Variants in CPNE6 observed in about 807,000 individuals in gnomAD.
CPNE6 encodes copine 6.
Under a neutral mutation model 71.5 loss-of-function variants are expected in CPNE6, and 33 were observed. The observed-to-expected ratio is 0.46, with a 90% CI of 0.35 to 0.62. The LOEUF (loss-of-function observed/expected upper bound fraction) is 0.62. CPNE6 is among the 20% of genes least tolerant of loss of function. The probability of loss-of-function intolerance (pLI) is 0.00; values close to 1 mark genes in which losing one functional copy is unlikely to be tolerated. For synonymous variants in CPNE6, 296 were observed against 293.0 expected (o/e 1.01, Z -0.10); for missense variants, 576 against 747.3 (o/e 0.77, Z 2.67).
At position 24,077,486 on chromosome 14, in the gene CPNE6, G is replaced by T. The variant is rs1187694122; in HGVS notation, c.1536+96G>T. 2 of 1,571,914 alleles carry T rather than the reference G, an allele frequency of 1.3e-6. No individual in the cohort carries two copies. Among genetic ancestry groups the T allele is most frequent in the Non-Finnish European group, 1.7e-6 (2 of 1,142,874 alleles). ...TTCCACCATTTGATGTCCTGCTAAG[G>T]ACGCGGGAGCCCAGCTGGCCACCCT... On this transcript the variant is annotated intron_variant, in intron 16 of 17. Coordinates refer to ENST00000397016, the Ensembl canonical transcript of CPNE6. This position sits in a 1 kb window ranked among gnomAD's most constrained non-coding sequence, Gnocchi z 6.1.
intron 1 of CPNE6, 61 bp from the exon 1 acceptor site, chr14:24,071,501 G>GGGGGCCCCCCC: frequency 2.7e-5 from 38 of 1,416,656 alleles, no homozygotes; most frequent in East Asian, 5.3e-5. Flanking sequence ...CTGGTGCTGC[G>GGGGGCCCCCCC]CCCCCCCCCA....
rs1420126837 is a variant in CPNE6, at chr14:24,071,259, G to A, written c.-120+231G>A. The A allele has an allele frequency of 3.0e-5, 36 of 1,201,146 alleles. No individual in the cohort carries two copies. The Middle Eastern group carries it at 8.6e-4, about 29-fold the overall frequency. The allele number at this position is 1,201,146 out of a possible 1,614,324, so 74.4% of individuals were successfully genotyped here. A position where few individuals can be genotyped will look rare whatever the true frequency, so the allele number is the denominator to read the frequency against. On this transcript the variant is annotated intron_variant, in intron 1 of 17. Coordinates refer to ENST00000397016, the Ensembl canonical transcript of CPNE6. ...CCTGTGAGTCGTGGGTGCATGTGTC[G>A]CCATCATTTCTCTGTTTGAATGTGT...
At position 24,077,535 on chromosome 14, in the gene CPNE6, G is replaced by A. The variant is rs1282034336; in HGVS notation, c.1537-58G>A. The A allele has an allele frequency of 6.3e-7, 1 of 1,590,502 alleles. No individual in the cohort carries two copies. The highest frequency in any genetic ancestry group is 1.7e-4 in the Middle Eastern group (1 of 5,960). On this transcript the variant is annotated intron_variant, in intron 16 of 17. Coordinates refer to ENST00000397016, the Ensembl canonical transcript of CPNE6. This position sits in a 1 kb window ranked among gnomAD's most constrained non-coding sequence, Gnocchi z 6.1. ...CTGAAGCCCCACTTCTCCCTCAGAT[G>A]ACCCTGCCTCCCCTACTCTTCCTCT...
Position 24,075,569 on chromosome 14 carries a change from C to A in CPNE6, c.842C>A (p.Thr281Lys). The A allele has an allele frequency of 1.2e-6, 2 of 1,612,034 alleles. No homozygotes were observed. Among genetic ancestry groups the A allele is most frequent in the Non-Finnish European group, 1.7e-6 (2 of 1,179,178 alleles). The change falls in exon 10 of 18, where the codon ACG becomes AAG. Residue 281 changes from threonine (T) to lysine (K), a missense_variant. Coordinates refer to ENST00000397016, the Ensembl canonical transcript of CPNE6. The surrounding 1 kb of genome is among the most constrained non-coding windows in gnomAD (Gnocchi z 4.3). ...AAGAAGAATTACAAGAGCTCAGGGA[C>A]GGTAGTGCTGGCCCAGTGCACGGTA...
Position 24,075,147 on chromosome 14 carries a change from C to T in CPNE6, c.673-25C>T, listed in dbSNP as rs775462282. 5 of 1,573,726 alleles carry T rather than the reference C, an allele frequency of 3.2e-6. No individual in the cohort carries two copies. In the South Asian group the frequency reaches 4.4e-5, roughly 14 times the overall value. On this transcript the variant is annotated intron_variant, in intron 8 of 17. Coordinates refer to ENST00000397016, the Ensembl canonical transcript of CPNE6. This position sits in a 1 kb window ranked among gnomAD's most constrained non-coding sequence, Gnocchi z 4.3. Reference sequence around the variant, plus strand: ...TACCGCAGAGCATCTCCAACCTGACCCCACCCCTCCCCCTGCCTTCTCAGT... The same window carrying T: ...TACCGCAGAGCATCTCCAACCTGACTCCACCCCTCCCCCTGCCTTCTCAGT...
chr14:24,071,501 G>GGGGGCCGCC, intron 1 of CPNE6, 61 bp from the exon 1 acceptor site: 1 of 1,416,704 alleles, frequency 7.1e-7, no homozygotes, highest in Non-Finnish European at 9.3e-7. Flanking sequence ...CTGGTGCTGC[G>GGGGGCCGCC]CCCCCCCCCA....
chr14:24,073,756 CAT>C lies in CPNE6; in HGVS notation c.348+79_348+80del. 1 of 1,481,564 alleles carries C rather than the reference CAT, an allele frequency of 6.7e-7. No homozygotes were observed. The highest frequency in any genetic ancestry group is 1.4e-5 in the African/African-American group (1 of 71,380). The allele number at this position is 1,481,564 out of a possible 1,614,324, so 91.8% of individuals were successfully genotyped here. On this transcript the variant is annotated intron_variant, in intron 4 of 17. Coordinates refer to ENST00000397016, the Ensembl canonical transcript of CPNE6. This position sits in a 1 kb window ranked among gnomAD's most constrained non-coding sequence, Gnocchi z 5.5. The stretch of plus-strand genomic sequence containing the variant: ...CTCTGGAAGCCAAAAAGAGAGAAAA[CAT>C]GAGCTCTAGAGCTAGTTCAACCCAG...
At chr14:24,071,628 G>A (rs534321481) in exon 2 of CPNE6, 17 of 1,105,742 alleles carry the variant, frequency 1.5e-5, no homozygotes, top group South Asian at 5.3e-5. Flanking sequence ...AGGAGCCCCC[G>A]ACCGAGAGCC....
chr14:24,074,832 G>A lies in CPNE6; in HGVS notation c.672+37G>A. On this transcript the variant is annotated intron_variant, in intron 8 of 17. Coordinates refer to ENST00000397016, the Ensembl canonical transcript of CPNE6. This position sits in a 1 kb window ranked among gnomAD's most constrained non-coding sequence, Gnocchi z 4.5. ...GCCAAGCCAGCACAGCCTACTTAGA[G>A]CAACCAATCTGCTATCTAAGACCTT... 2 of 1,558,548 alleles carry A rather than the reference G, an allele frequency of 1.3e-6. No individual in the cohort carries two copies. Among genetic ancestry groups the A allele is most frequent in the Non-Finnish European group, 1.8e-6 (2 of 1,137,876 alleles).
rs2035970631 is a variant in CPNE6, at chr14:24,073,640, G to A, written c.310G>A (p.Asp104Asn). 1 of 1,613,812 alleles carries A rather than the reference G, an allele frequency of 6.2e-7. No individual in the cohort carries two copies. The change falls in exon 4 of 18, where the codon GAT becomes AAT. Residue 104 changes from aspartate (D) to asparagine (N), a missense_variant. Coordinates refer to ENST00000397016, the Ensembl canonical transcript of CPNE6. The surrounding 1 kb of genome is among the most constrained non-coding windows in gnomAD (Gnocchi z 5.5). ...GGACGGAGCCACCAGCCCCCGAAAT[G>A]ATACCTTCCTCGGCTCTACGGAGTG... is the stretch of plus-strand genomic sequence containing the variant.
chr14:24,077,291 G>T lies in CPNE6; in HGVS notation c.1437G>T (p.Met479Ile). 6.2e-7 allele frequency: 1 copy of T among 1,613,874 alleles called. No homozygotes were observed. The highest frequency in any genetic ancestry group is 8.5e-7 in the Non-Finnish European group (1 of 1,180,022). ...TGGGCAATGCTGACTTCTCTGACATGCGGCTGCTGGATGGCGACGACGGCC... is the reference window on the plus strand; with the variant it reads ...TGGGCAATGCTGACTTCTCTGACATTCGGCTGCTGGATGGCGACGACGGCC... The change falls in exon 16 of 18, where the codon ATG (methionine) becomes ATT (isoleucine). Residue 479 changes from methionine to isoleucine, a missense_variant. By Grantham distance (10) the Met-to-Ile change is conservative. Transcript: ENST00000397016. This position sits in a 1 kb window ranked among gnomAD's most constrained non-coding sequence, Gnocchi z 6.1.
chr14:24,073,105 G>A lies in CPNE6; in HGVS notation c.168+1G>A. On this transcript the variant is annotated splice_donor_variant, in intron 3 of 17. Transcript: ENST00000397016. LOFTEE classifies it high-confidence loss of function. The surrounding 1 kb of genome is among the most constrained non-coding windows in gnomAD (Gnocchi z 5.5). ...CTACTCTGATGAGCAGTGGGTGGAG[G>A]TGAGAGCAGCTCAGGTTTCTCCTTA... The A allele has an allele frequency of 1.4e-6, 2 of 1,452,612 alleles. No homozygotes were observed. Among genetic ancestry groups the A allele is most frequent in the Non-Finnish European group, 1.8e-6 (2 of 1,102,138 alleles). The allele number at this position is 1,452,612 out of a possible 1,614,324, so 90.0% of individuals were successfully genotyped here. A position where few individuals can be genotyped will look rare whatever the true frequency, so the allele number is the denominator to read the frequency against.
At chr14:24,071,248 G>A (rs1382060265) in intron 1 of CPNE6, 2 of 1,120,250 alleles carry the variant, frequency 1.8e-6, no homozygotes, top group Non-Finnish European at 2.5e-6. Context: ...TGAGTCGTGG[G>A]TGCATGTGTC....
rs2036016637 is a variant in CPNE6, at chr14:24,075,070, A to T, written c.673-102A>T. 1.1e-6 allele frequency: 1 copy of T among 877,440 alleles called. No individual in the cohort carries two copies. Among genetic ancestry groups the T allele is most frequent in the Non-Finnish European group, 1.9e-6 (1 of 519,608 alleles). 54.4% of individuals were successfully genotyped at this position (877,440 alleles called of 1,614,324 possible). A position where few individuals can be genotyped will look rare whatever the true frequency, so the allele number is the denominator to read the frequency against. ...ATGTCTGTTTGGGCATGGAGACTCT[A>T]AGGCCCAAGTCCCCCTACTCCAAGT... On this transcript the variant is annotated intron_variant, in intron 8 of 17. Coordinates refer to ENST00000397016, the Ensembl canonical transcript of CPNE6. The surrounding 1 kb of genome is among the most constrained non-coding windows in gnomAD (Gnocchi z 4.3).
In CPNE6 at chr14:24,075,234, T is replaced by C; in HGVS notation, c.735T>C (p.Thr245=). 1.9e-6 allele frequency: 3 copies of C among 1,614,088 alleles called. No individual in the cohort carries two copies. The highest frequency in any genetic ancestry group is 2.5e-6 in the Non-Finnish European group (3 of 1,180,012). Residue 245 remains threonine, a synonymous_variant, in exon 9 of 18, where the codon ACT becomes ACC. Coordinates refer to ENST00000397016, the Ensembl canonical transcript of CPNE6. The surrounding 1 kb of genome is among the most constrained non-coding windows in gnomAD (Gnocchi z 4.3). Reference sequence around the variant, plus strand: ...ACTTCATCGGCGAGTTCACCAGCACTTTCCAGGAGATGCAGGAAGGGACGG... The same window carrying C: ...ACTTCATCGGCGAGTTCACCAGCACCTTCCAGGAGATGCAGGAAGGGACGG...
In CPNE6 at chr14:24,075,389, T is replaced by C. The variant is rs1304933200; in HGVS notation, c.777+113T>C. The stretch of plus-strand genomic sequence containing the variant: ...GGAAGTGGAGAGGGTGGAAAGCACC[T>C]GGGCTCAGCTGAAGGACGGAACCAT... On this transcript the variant is annotated intron_variant, in intron 9 of 17. Coordinates refer to ENST00000397016, the Ensembl canonical transcript of CPNE6. This position sits in a 1 kb window ranked among gnomAD's most constrained non-coding sequence, Gnocchi z 4.3. 5.8e-6 allele frequency: 8 copies of C among 1,384,160 alleles called. No individual in the cohort carries two copies. The highest frequency in any genetic ancestry group is 2.3e-5 in the East Asian group (1 of 43,532). 85.7% of individuals were successfully genotyped at this position (1,384,160 alleles called of 1,614,324 possible).
chr14:24,076,542 A>G (rs2036070439), exon 14 of CPNE6: 1 of 1,613,912 alleles, frequency 6.2e-7, no homozygotes. Flanking sequence ...TGACCCGGAA[A>G]ATCCTGAATG....
At chr14:24,076,637 C>T (rs1415258945) in intron 14 of CPNE6, 80 bp downstream of exon 13, 1 of 1,579,098 alleles carries the variant, frequency 6.3e-7, no homozygotes. Flanking sequence ...TCCCCAGGGC[C>T]CAGCTTCCTG....
Position 24,077,184 on chromosome 14 carries a change from G to A in CPNE6, c.1330G>A (p.Gly444Ser), listed in dbSNP as rs750303827. The stretch of plus-strand genomic sequence containing the variant: ...CTCGGTGCTGCTGGTGCTCACTGAC[G>A]GTGTGGTGAGCGACATGGCTGAGAC... Residue 444 changes from glycine to serine, a missense_variant, in exon 16 of 18, where the codon GGT becomes AGT. By Grantham distance (56) the Gly-to-Ser change is moderately conservative. Around this residue, in one of 4 missense-constraint regions of CPNE6, gnomAD observed 264 missense variants for 339.9 expected, o/e 0.78. Transcript: ENST00000397016. This position sits in a 1 kb window ranked among gnomAD's most constrained non-coding sequence, Gnocchi z 6.1. 12 of 1,607,992 alleles carry A rather than the reference G, an allele frequency of 7.5e-6. No homozygotes were observed. Among genetic ancestry groups the A allele is most frequent in the Non-Finnish European group, 1.0e-5 (12 of 1,179,832 alleles).
Sources: allele counts gnomAD v4.1 joint callset, GRCh38; gene constraint gnomAD v4.1.1; regional missense constraint gnomAD v4.1.1; non-coding constraint Gnocchi (gnomAD v3.1); transcripts MANE v1.5; gene names NCBI Gene and HGNC (gene_info 2026-07-23, HGNC 2026-07-21).